Variants in SELE observed in about 807,000 individuals in gnomAD.
The protein encoded by SELE is selectin E.
A neutral mutation model predicts 75.8 loss-of-function variants in SELE; 52 were observed. The ratio of observed to expected loss-of-function variants is 0.69; its 90% CI spans 0.55 to 0.86. The LOEUF (loss-of-function observed/expected upper bound fraction) is 0.86, where lower values mean the gene tolerates loss of function less well. Ranked by LOEUF, SELE falls within the 40% of genes least tolerant of loss-of-function variation. The probability of loss-of-function intolerance (pLI) is 0.00; values close to 1 mark genes in which losing one functional copy is unlikely to be tolerated. For missense variants in SELE, 754 were observed against 732.7 expected (o/e 1.03, Z -0.34); for synonymous variants, 285 against 258.7 (o/e 1.10, Z -0.98).
chr1:169,727,641 G>T, intron 9 of SELE, 98 bp downstream of exon 9: 3 of 1,532,350 alleles, frequency 2.0e-6, no homozygotes, highest in South Asian at 1.3e-5. Context: ...TTTTCAGCAT[G>T]TAGGAAATTA....
intron 3 of SELE, among the ~76,000 whole-genome samples, chr1:169,732,335 A>G (rs1489293661): frequency 6.6e-6 from 1 of 150,458 alleles, no homozygotes; most frequent in Non-Finnish European, 1.5e-5. Flanking sequence ...ATATGTGTGT[A>G]TGTATATATA....
At position 169,729,358 on chromosome 1, in the gene SELE, G is replaced by A. The variant is rs201383764; in HGVS notation, c.918C>T (p.Ala306=). Residue 306 remains alanine, a synonymous_variant, in exon 7 of 14, where the codon GCC becomes GCT. Coordinates refer to ENST00000333360, the MANE Select transcript of SELE (RefSeq NM_000450.2). ...KPTCKAVTCR[A]VRQPQNGSVR... is the part of the protein sequence containing the mutation. The stretch of plus-strand genomic sequence containing the variant: ...CAGAGCCATTCTGAGGCTGGCGGAC[G>A]GCCCTGCATGTCACAGCTGTAACAA... The A allele has an allele frequency of 9.2e-5, 148 of 1,613,786 alleles. No homozygotes were observed. The highest frequency in any genetic ancestry group is 6.5e-4 in the East Asian group (29 of 44,840).
At chr1:169,730,287 A>G in intron 5 of SELE, 145 bp downstream of exon 5, 3 of 695,526 alleles carry the variant, frequency 4.3e-6, no homozygotes. Flanking sequence ...TTGGCAATAT[A>G]CATTGGCTGA....
intron 3 of SELE, 151 bp from the exon 4 acceptor site, chr1:169,732,093 C>T: frequency 1.9e-6 from 1 of 527,990 alleles, no homozygotes. Flanking sequence ...AGTTCCAAAT[C>T]TGAGTTTCAG....
At chr1:169,729,754 G>C in intron 5 of SELE, 81 bp from the exon 6 acceptor site, 1 of 1,368,388 alleles carries the variant, frequency 7.3e-7, no homozygotes, top group South Asian at 1.3e-5. Context: ...CTAACAGAGT[G>C]AGGAAGCTGC....
At chr1:169,733,495 C>G in intron 2 of SELE, 81 bp downstream of exon 2, 1 of 1,385,302 alleles carries the variant, frequency 7.2e-7, no homozygotes, top group Non-Finnish European at 1.0e-6. Context: ...TGCAGGACAG[C>G]CCCAGACAAG....
intron 13 of SELE, among the ~76,000 whole-genome samples, chr1:169,724,826 G>A (rs1219970926): frequency 6.6e-6 from 1 of 152,208 alleles, no homozygotes; most frequent in African/African-American, 2.4e-5. Context: ...GTGGTGGGGA[G>A]ATATGTTGGA....
At chr1:169,727,295 G>A in intron 10 of SELE, 54 bp downstream of exon 10, 2 of 1,552,394 alleles carry the variant, frequency 1.3e-6, no homozygotes, top group Non-Finnish European at 1.8e-6. Flanking sequence ...TAACAAGATA[G>A]CTCCCCCTTT....
chr1:169,730,405 G>A (rs370162505), intron 5 of SELE, 27 bp downstream of exon 5: 74 of 1,543,730 alleles, frequency 4.8e-5, no homozygotes, highest in South Asian at 6.1e-5. Flanking sequence ...GTTACAGAAC[G>A]TTCTGTGCAT....
chr1:169,725,823 T>A (rs1396345618), intron 12 of SELE, 22 bp from the exon 13 acceptor site: 1 of 1,613,920 alleles, frequency 6.2e-7, no homozygotes, highest in East Asian at 2.2e-5. Flanking sequence ...ATGAGAACAC[T>A]AGGTAAAGCA....
intron 7 of SELE, among the ~76,000 whole-genome samples, chr1:169,728,501 G>C (rs1462976240): frequency 6.6e-6 from 1 of 152,150 alleles, no homozygotes; most frequent in Non-Finnish European, 1.5e-5. Flanking sequence ...AATAAATTAT[G>C]GTCCAAGGAA....
intron 12 of SELE, 41 bp from the exon 13 acceptor site, chr1:169,725,842 C>A: frequency 1.2e-6 from 2 of 1,613,658 alleles, no homozygotes; most frequent in Non-Finnish European, 1.7e-6. Flanking sequence ...CACTGTCTTC[C>A]AACATGAAGA....
chr1:169,728,374 A>G (rs537597949), intron 7 of SELE, 128 bp from the exon 8 acceptor site: 2 of 842,610 alleles, frequency 2.4e-6, no homozygotes, highest in African/African-American at 1.7e-5. Flanking sequence ...TTCCCTGGAC[A>G]AATGGGAAGA....
Position 169,723,088 on chromosome 1 carries a change from A to C in SELE, c.*1437T>G, listed in dbSNP as rs1434596543. On this transcript the variant is annotated 3_prime_UTR_variant, in exon 14 of 14. Transcript: ENST00000333360. ...AGAGTTTTGATTCTCACACTCCTCAAGGCTAGAGCAGCTTTGGCAATTACT... is the reference window on the plus strand; with the variant it reads ...AGAGTTTTGATTCTCACACTCCTCACGGCTAGAGCAGCTTTGGCAATTACT... The C allele has an allele frequency of 3.3e-5, 5 of 152,168 alleles. No homozygotes were observed. Among genetic ancestry groups the C allele is most frequent in the African/African-American group, 1.2e-4 (5 of 41,432 alleles). The allele number at this position is 152,168 out of a possible 1,614,324, so 9.4% of individuals were successfully genotyped here.
rs1456181153 is a variant in SELE at position 169,727,834 on chromosome 1, G to T, written c.1373C>A (p.Ala458Asp). ...TTCAAATCCCTCCTCACAGCTGAAG[G>T]CACAAGAGGACTTGTAGGTGAATTC... ...IGEFTYKSSC[A>D]FSCEEGFELH... The change falls in exon 9 of 14, where the codon GCC (alanine) becomes GAC (aspartate). Residue 458 changes from alanine to aspartate, a missense_variant. By Grantham distance (126) the Ala-to-Asp change is moderately radical. Coordinates refer to ENST00000333360, the MANE Select transcript of SELE (RefSeq NM_000450.2). 7.4e-6 allele frequency: 12 copies of T among 1,613,922 alleles called. No individual in the cohort carries two copies. In the East Asian group the frequency reaches 1.1e-4, roughly 15 times the overall value.
intron 10 of SELE, 88 bp from the exon 11 acceptor site, chr1:169,726,894 A>C: frequency 1.2e-6 from 1 of 839,696 alleles, no homozygotes. Context: ...TTTTCTGTAC[A>C]TTCATTACTA....
chr1:169,725,920 A>C lies in SELE; in HGVS notation c.1762T>G (p.Phe588Val). The part of the protein sequence containing the change: ...LRKCLRKAKK[F>V]VPASSCQSLE... Reference sequence around the variant, plus strand: ...AATGCAACTTACCTGGCAGGAACAAATTTCTTTGCTGCAAAAGAAAAGACA... The same window carrying C: ...AATGCAACTTACCTGGCAGGAACAACTTTCTTTGCTGCAAAAGAAAAGACA... Residue 588 changes from phenylalanine (F) to valine (V), a missense_variant, in exon 12 of 14, where the codon TTT becomes GTT. By Grantham distance (50) the Phe-to-Val change is conservative (BLOSUM62 -1). Transcript: ENST00000333360. 1 of 1,614,048 alleles carries C rather than the reference A, an allele frequency of 6.2e-7. No homozygotes were observed. The highest frequency in any genetic ancestry group is 8.5e-7 in the Non-Finnish European group (1 of 1,179,958).
chr1:169,726,690 C>A lies in SELE; in HGVS notation c.1753+9G>T, dbSNP rs780088520. The A allele has an allele frequency of 6.3e-7, 1 of 1,586,736 alleles. No individual in the cohort carries two copies. The highest frequency in any genetic ancestry group is 1.3e-5 in the African/African-American group (1 of 74,346). ...AACATTTTTGAAGTACATTCATAAACTTCCTCACCTTTCCGTAAGCATTTC... is the reference window on the plus strand; with the variant it reads ...AACATTTTTGAAGTACATTCATAAAATTCCTCACCTTTCCGTAAGCATTTC... On this transcript the variant is annotated intron_variant, in intron 11 of 13. Transcript: ENST00000333360.
At chr1:169,731,586 T>C (rs1648913264) in intron 4 of SELE, 4 of 396,862 alleles carry the variant, frequency 1.0e-5, no homozygotes, top group Middle Eastern at 1.4e-3. Context: ...ACACTATTAT[T>C]ATCCTCATTT....
Sources: gnomAD v4.1 joint callset for allele counts (sites outside exome capture counted in the v4.1 genomes callset) on GRCh38, gnomAD v4.1.1 for gene constraint, MANE v1.5 for transcripts, NCBI Gene and HGNC (gene_info 2026-07-23, HGNC 2026-07-21) for gene names.